The following RPA1 variants were observed in gnomAD, a reference collection of about 807,000 sequenced individuals.
RPA1 encodes replication protein A 70 kDa DNA-binding subunit.
A neutral mutation model predicts 83.0 loss-of-function variants in RPA1; 49 were observed. The ratio of observed to expected loss-of-function variants is 0.59; its 90% CI spans 0.47 to 0.75. The LOEUF is 0.75. RPA1 is among the 30% of genes least tolerant of loss of function. The pLI, the probability that RPA1 is intolerant of heterozygous loss-of-function variation, is 0.00. For missense variants in RPA1, 693 were observed against 776.1 expected (o/e 0.89, Z 1.27); for synonymous variants, 279 against 281.8 (o/e 0.99, Z 0.10).
At chr17:1,896,991 T>G (rs763570985) in intron 16 of RPA1, 80 bp from the exon 17 acceptor site, 1 of 1,233,756 alleles carries the variant, frequency 8.1e-7, no homozygotes, top group East Asian at 2.5e-5. Context: ...CTGGGCTCAC[T>G]GAAACCACTG....
At chr17:1,874,723 G>A (rs1366223037) in intron 6 of RPA1, among the ~76,000 whole-genome samples, 2 of 152,288 alleles carry the variant, frequency 1.3e-5, no homozygotes, top group East Asian at 1.9e-4. Context: ...TATTGTGTGT[G>A]TATTGATCTC....
chr17:1,863,568 T>G (rs1473820545), intron 5 of RPA1, among the ~76,000 whole-genome samples: 1 of 152,200 alleles, frequency 6.6e-6, no homozygotes. Flanking sequence ...TTGTCCAGGC[T>G]GGTCTTGAGC....
At chr17:1,843,085 CCT>C (rs970143123) in intron 2 of RPA1, among the ~76,000 whole-genome samples, 2 of 152,026 alleles carry the variant, frequency 1.3e-5, no homozygotes, top group African/African-American at 4.8e-5. Flanking sequence ...GAAGGCTTTG[CCT>C]CTCTCTTCCT....
chr17:1,871,407 C>G (rs1033688479), intron 5 of RPA1, among the ~76,000 whole-genome samples: 1 of 152,068 alleles, frequency 6.6e-6, no homozygotes, highest in African/African-American at 2.4e-5. Context: ...CCTTGGAAAA[C>G]GCAGCAGGAA....
intron 15 of RPA1, among the ~76,000 whole-genome samples, chr17:1,892,318 CTT>C (rs1914234556): frequency 6.6e-6 from 1 of 152,200 alleles, no homozygotes; most frequent in East Asian, 1.9e-4. Flanking sequence ...CACTGGCCCT[CTT>C]TTTGCTGTTT....
chr17:1,870,798 C>T (rs886856294), intron 5 of RPA1, among the ~76,000 whole-genome samples: 1 of 152,210 alleles, frequency 6.6e-6, no homozygotes, highest in African/African-American at 2.4e-5. Flanking sequence ...GATATGATCT[C>T]AGCAGGGGAT....
intron 1 of RPA1, 69 bp from the exon 2 acceptor site, chr17:1,842,734 T>G (rs1343803695): frequency 3.6e-5 from 50 of 1,389,016 alleles, no homozygotes; most frequent in Non-Finnish European, 5.0e-5. Flanking sequence ...AAATACCAAC[T>G]ATAAAAACAT....
At chr17:1,833,141 G>T (rs1173036951) in intron 1 of RPA1, among the ~76,000 whole-genome samples, 1 of 148,980 alleles carries the variant, frequency 6.7e-6, no homozygotes, top group South Asian at 2.1e-4. Flanking sequence ...AGGCCAGGCT[G>T]GTCTTGAACT....
intron 13 of RPA1, among the ~76,000 whole-genome samples, chr17:1,885,474 C>CT (rs145276251): frequency 0.11 from 16,175 of 149,324 alleles, 1,314 homozygotes; most frequent in African/African-American, 0.23. Context: ...ATGAATGTTC[C>CT]TTTTTTTTTT....
chr17:1,850,184 AG>A (rs1358917098), intron 4 of RPA1, among the ~76,000 whole-genome samples: 1 of 147,888 alleles, frequency 6.8e-6, no homozygotes, highest in Non-Finnish European at 1.5e-5. Context: ...AAAAAAAAAA[AG>A]ATTACCTAAT....
intron 15 of RPA1, among the ~76,000 whole-genome samples, chr17:1,893,785 G>A (rs1914286917): frequency 6.6e-6 from 1 of 151,930 alleles, no homozygotes; most frequent in South Asian, 2.1e-4. Flanking sequence ...TTCTCTGCTT[G>A]CACACCAAAT....
At chr17:1,880,830 T>A in intron 12 of RPA1, 139 bp downstream of exon 12, 3 of 1,170,412 alleles carry the variant, frequency 2.6e-6, no homozygotes, top group Non-Finnish European at 3.6e-6. Flanking sequence ...TTGAAGGCAT[T>A]ATGCCTTCTG....
intron 2 of RPA1, among the ~76,000 whole-genome samples, chr17:1,843,403 T>C (rs1912129986): frequency 6.6e-6 from 1 of 151,692 alleles, no homozygotes. Flanking sequence ...TCACTTGCTT[T>C]GGAAACCTGC....
intron 8 of RPA1, among the ~76,000 whole-genome samples, 198 bp downstream of exon 8, chr17:1,877,512 ATTGT>A (rs1419666847): frequency 1.3e-5 from 2 of 152,128 alleles, no homozygotes; most frequent in East Asian, 3.9e-4. Flanking sequence ...GAGAAGCATG[ATTGT>A]TATTGTGCTT....
chr17:1,864,398 G>A (rs564228055), intron 5 of RPA1, among the ~76,000 whole-genome samples: 44 of 151,958 alleles, frequency 2.9e-4, no homozygotes, highest in African/African-American at 9.2e-4. Flanking sequence ...AATTAGCTGG[G>A]CATAGTGGCA....
intron 4 of RPA1, among the ~76,000 whole-genome samples, chr17:1,847,006 G>C (rs1912289391): frequency 6.6e-6 from 1 of 152,014 alleles, no homozygotes; most frequent in Non-Finnish European, 1.5e-5. Context: ...TAATTTGTTG[G>C]ATTCATATAG....
At chr17:1,883,167 T>C (rs11656311) in intron 12 of RPA1, among the ~76,000 whole-genome samples, 1 of 152,028 alleles carries the variant, frequency 6.6e-6, no homozygotes, top group South Asian at 2.1e-4. Context: ...AAAAAAATTT[T>C]TTTTTCGAGA....
In RPA1 at chr17:1,858,169, T is replaced by A. The variant is rs1912790376; in HGVS notation, c.361+4980T>A. ...CAAGTGTCGGATCCCATTCCAGGTA[T>A]GATACATGAGAGGGAAGACGAGTGC... On this transcript the variant is annotated intron_variant, in intron 5 of 16. Coordinates refer to ENST00000254719, the MANE Select transcript of RPA1 (RefSeq NM_002945.5). The A allele has an allele frequency of 1.9e-6, 3 of 1,613,970 alleles. No individual in the cohort carries two copies. The East Asian group carries it at 6.7e-5, about 36-fold the overall frequency.
chr17:1,845,093 A>G (rs1037310697), intron 4 of RPA1, among the ~76,000 whole-genome samples: 1 of 151,980 alleles, frequency 6.6e-6, no homozygotes, highest in Non-Finnish European at 1.5e-5. Flanking sequence ...CCGGCCTCAA[A>G]AGTATCTTTT....
Sources: allele counts gnomAD v4.1 joint callset (sites outside exome capture counted in the v4.1 genomes callset), GRCh38; gene constraint gnomAD v4.1.1; transcripts MANE v1.5; gene names NCBI Gene and HGNC (gene_info 2026-07-23, HGNC 2026-07-21).